The following ABCB8 variants were observed in gnomAD, a reference collection of about 807,000 sequenced individuals.
ABCB8 encodes the protein ATP binding cassette subfamily B member 8, also known as mitochondrial potassium channel ATP-binding subunit.
A neutral mutation model predicts 73.0 loss-of-function variants in ABCB8; 52 were observed. The ratio of observed to expected loss-of-function variants is 0.71; its 90% confidence interval spans 0.57 to 0.90. The LOEUF (loss-of-function observed/expected upper bound fraction) is 0.90, where lower values mean the gene tolerates loss of function less well. ABCB8 is among the 40% of genes least tolerant of loss of function. The pLI, the probability that ABCB8 is intolerant of heterozygous loss-of-function variation, is 0.00. For synonymous variants in ABCB8, 428 were observed against 423.5 expected (o/e 1.01, Z -0.13); for missense variants, 909 against 974.6 (o/e 0.93, Z 0.90).
At chr7:151,040,245 C>G in intron 9 of ABCB8, 23 bp from the exon 10 acceptor site, 1 of 1,610,328 alleles carries the variant, frequency 6.2e-7, no homozygotes, top group Non-Finnish European at 8.5e-7. Flanking sequence ...ATCTATTCCA[C>G]CCCTCTCTCC....
chr7:151,031,493 C>T (rs922400297), intron 1 of ABCB8: 3 of 596,138 alleles, frequency 5.0e-6, no homozygotes, highest in Non-Finnish European at 2.7e-6. Context: ...GAGAAAAGCT[C>T]ACACTACTCT....
intron 14 of ABCB8, among the ~76,000 whole-genome samples, chr7:151,043,458 G>C (rs575579496): frequency 3.4e-4 from 49 of 144,012 alleles, no homozygotes; most frequent in South Asian, 6.9e-4. Flanking sequence ...ACAGGACTAG[G>C]GTGCACAGTG....
Position 151,041,971 on chromosome 7 carries a change from T to A in ABCB8, c.1628T>A (p.Leu543Gln). 6.2e-7 allele frequency: 1 copy of A among 1,612,742 alleles called. No homozygotes were observed. Among genetic ancestry groups the A allele is most frequent in the Non-Finnish European group, 8.5e-7 (1 of 1,179,966 alleles). The part of the protein sequence containing the change: ...VVGFISQEPV[L>Q]FGTTIMENIR... ...ACCCCTCACCCACAGGAGCCCGTCC[T>A]GTTTGGGACGACCATCATGGAAAAC... Residue 543 changes from leucine to glutamine, a missense_variant, in exon 14 of 16, where the codon CTG (leucine) becomes CAG (glutamine). By Grantham distance (113) the Leu-to-Gln change is moderately radical (BLOSUM62 -2). Transcript: ENST00000358849.
rs201786514 is a variant in ABCB8 at position 151,035,908 on chromosome 7, C to T, written c.954C>T (p.Asp318=). The T allele has an allele frequency of 5.5e-5, 89 of 1,613,698 alleles. No individual in the cohort carries two copies. In the East Asian group the frequency reaches 1.4e-3, roughly 26 times the overall value. The change falls in exon 7 of 16, where the codon GAC becomes GAT. Residue 318 remains aspartate, a synonymous_variant. Coordinates refer to ENST00000358849, the MANE Select transcript of ABCB8 (RefSeq NM_007188.5). ...EQIARAMGVA[D]EALGNVRTVR... Reference sequence around the variant, plus strand: ...TCGCCAGGGCAATGGGCGTAGCAGACGAGGCCCTGGGCAATGTGCGGACTG... The same window carrying T: ...TCGCCAGGGCAATGGGCGTAGCAGATGAGGCCCTGGGCAATGTGCGGACTG...
At chr7:151,042,187 TG>T in intron 14 of ABCB8, 79 bp downstream of exon 14, 1 of 1,576,502 alleles carries the variant, frequency 6.3e-7, no homozygotes, top group South Asian at 1.1e-5. Context: ...AGCAGCCCAG[TG>T]GGACTGAGGG....
chr7:151,047,215 G>T lies in ABCB8; in HGVS notation c.*1866G>T, dbSNP rs116563575. ...CTTCTTTAAATCCAGCCCTTCACCC[G>T]CCCCCTAGAGAAGCAGTGAAACCCC... is the stretch of plus-strand genomic sequence containing the variant. On this transcript the variant is annotated 3_prime_UTR_variant, in exon 16 of 16. Coordinates refer to ENST00000358849, the MANE Select transcript of ABCB8 (RefSeq NM_007188.5). The T allele has an allele frequency of 2.0e-5, 3 of 152,134 alleles. No individual in the cohort carries two copies. Among genetic ancestry groups the T allele is most frequent in the African/African-American group, 7.2e-5 (3 of 41,426 alleles). The allele number at this position is 152,134 out of a possible 1,614,324, so 9.4% of individuals were successfully genotyped here. A position where few individuals can be genotyped will look rare whatever the true frequency, so the allele number is the denominator to read the frequency against.
chr7:151,044,215 C>A lies in ABCB8; in HGVS notation c.2010C>A (p.Val670=). The A allele has an allele frequency of 6.3e-7, 1 of 1,598,594 alleles. No individual in the cohort carries two copies. The highest frequency in any genetic ancestry group is 1.3e-5 in the African/African-American group (1 of 74,770). ...TTGTCGTCATGGCCGATGGCCGTGT[C>A]TGGGAGGTTAGTTGTCCTGGGGGCG... ...HCIVVMADGR[V]WEAGTHEELL... Residue 670 remains valine, a synonymous_variant, in exon 15 of 16, where the codon GTC becomes GTA. Transcript: ENST00000358849.
intron 8 of ABCB8, 113 bp from the exon 9 acceptor site, chr7:151,036,431 G>T (rs1014431477): frequency 1.9e-6 from 2 of 1,055,946 alleles, no homozygotes; most frequent in Middle Eastern, 2.0e-4. Flanking sequence ...GGAAGCCAAC[G>T]CTGGGACCAG....
At chr7:151,028,989 T>C in intron 1 of ABCB8, 1 of 1,225,730 alleles carries the variant, frequency 8.2e-7, no homozygotes, top group Non-Finnish European at 1.0e-6. Context: ...GGATTCAAAG[T>C]GAGTCGAAGA....
chr7:151,028,665 G>T (rs540686727), intron 1 of ABCB8, 55 bp downstream of exon 1: 97 of 1,575,992 alleles, frequency 6.2e-5, no homozygotes, highest in Non-Finnish European at 4.3e-6. Context: ...GCAGGGCAGT[G>T]CCGGCCCGCC....
In ABCB8 at chr7:151,034,470, C is replaced by A; in HGVS notation, c.565-35C>A. Reference sequence around the variant, plus strand: ...GGCTGGGGACCGCCGAGGAGCCACCCGAGGCATCCCTGAGTGCACTGGGCT... The same window carrying A: ...GGCTGGGGACCGCCGAGGAGCCACCAGAGGCATCCCTGAGTGCACTGGGCT... On this transcript the variant is annotated intron_variant, in intron 3 of 15. Coordinates refer to ENST00000358849, the MANE Select transcript of ABCB8 (RefSeq NM_007188.5). 1.9e-6 allele frequency: 3 copies of A among 1,613,646 alleles called. No homozygotes were observed. In the South Asian group the frequency reaches 3.3e-5, roughly 18 times the overall value.
chr7:151,037,650 C>A, intron 9 of ABCB8: 1 of 363,808 alleles, frequency 2.7e-6, no homozygotes, highest in Non-Finnish European at 5.3e-6. Flanking sequence ...ATCCCTCCCC[C>A]CACGACCCCC....
At chr7:151,035,267 C>T (rs547915529) in intron 5 of ABCB8, among the ~76,000 whole-genome samples, 1 of 152,382 alleles carries the variant, frequency 6.6e-6, no homozygotes, top group African/African-American at 2.4e-5. Context: ...CCTAGGCAGT[C>T]ACTGGTGTAC....
chr7:151,035,760 C>T lies in ABCB8; in HGVS notation c.927+18C>T. ...AGGAGCAGGTACCGGCATTCCTGGC[C>T]ATCCTCTTCACCCTCCCCACACCGT... On this transcript the variant is annotated intron_variant, in intron 6 of 15. Transcript: ENST00000358849. The T allele has an allele frequency of 3.1e-6, 5 of 1,611,654 alleles. No homozygotes were observed. Among genetic ancestry groups the T allele is most frequent in the Non-Finnish European group, 4.2e-6 (5 of 1,180,000 alleles).
chr7:151,041,421 G>GCT (rs1261555591), intron 13 of ABCB8, among the ~76,000 whole-genome samples, 189 bp downstream of exon 13: 1 of 152,242 alleles, frequency 6.6e-6, no homozygotes, highest in African/African-American at 2.4e-5. Context: ...AGCAGCCACA[G>GCT]CTCTGCCTGG....
intron 10 of ABCB8, 53 bp from the exon 11 acceptor site, chr7:151,040,445 C>A: frequency 6.3e-7 from 1 of 1,581,800 alleles, no homozygotes; most frequent in Admixed American, 1.8e-5. Context: ...CCTGGAGATG[C>A]TGTTGTCACC....
At position 151,040,609 on chromosome 7, in the gene ABCB8, G is replaced by A. The variant is rs572070568; in HGVS notation, c.1363G>A (p.Val455Ile). The A allele has an allele frequency of 3.7e-5, 59 of 1,613,020 alleles. No individual in the cohort carries two copies. The highest frequency in any genetic ancestry group is 9.3e-5 in the African/African-American group (7 of 75,050). Residue 455 changes from valine to isoleucine, a missense_variant, in exon 11 of 16, where the codon GTT becomes ATT. Physicochemically the swap from Val to Ile is conservative, Grantham distance 29. Transcript: ENST00000358849. ...CCCCAAAGAGCAGCTGCGTGGCTCCGTTACATTTCAGAACGTCTGCTTCAG... is the reference window on the plus strand; with the variant it reads ...CCCCAAAGAGCAGCTGCGTGGCTCCATTACATTTCAGAACGTCTGCTTCAG... Reference protein sequence around the residue: ...CVPKEQLRGSVTFQNVCFSYP... With the variant: ...CVPKEQLRGSITFQNVCFSYP...
chr7:151,037,462 A>G lies in ABCB8; in HGVS notation c.1217+813A>G, dbSNP rs568430986. On this transcript the variant is annotated intron_variant, in intron 9 of 15. Transcript: ENST00000358849. The stretch of plus-strand genomic sequence containing the variant: ...GCTCAGCTGAGCCTCTGGGATGACC[A>G]GAGCTGATCACCAGACAGCTCAAGG... 7.7e-4 allele frequency: 496 copies of G among 640,488 alleles called. 1 individual carries two copies. The highest frequency in any genetic ancestry group is 6.5e-3 in the African/African-American group (367 of 56,100). 39.7% of individuals were successfully genotyped at this position (640,488 alleles called of 1,614,324 possible). A position where few individuals can be genotyped will look rare whatever the true frequency, so the allele number is the denominator to read the frequency against.
At chr7:151,044,568 T>C (rs1316140040) in intron 15 of ABCB8, among the ~76,000 whole-genome samples, 1 of 151,656 alleles carries the variant, frequency 6.6e-6, no homozygotes, top group Non-Finnish European at 1.5e-5. Context: ...CGGGACCCTG[T>C]CTCTACAAAA....
Sources: allele counts gnomAD v4.1 joint callset (sites outside exome capture counted in the v4.1 genomes callset), GRCh38; gene constraint gnomAD v4.1.1; transcripts MANE v1.5; gene names NCBI Gene and HGNC (gene_info 2026-07-23, HGNC 2026-07-21).